Variants in PBX3 observed in about 807,000 individuals in gnomAD.
PBX3 encodes the protein pre-B-cell leukemia transcription factor 3.
Under a neutral mutation model 48.5 loss-of-function variants are expected in PBX3, and 14 were observed. The observed-to-expected ratio is 0.29, with a 90% CI of 0.19 to 0.45. The LOEUF (loss-of-function observed/expected upper bound fraction) is 0.45, where lower values mean the gene tolerates loss of function less well. Among genes scored for constraint, PBX3 ranks in the 20% least tolerant of loss-of-function variants. PBX3 has a pLI of 1.00. For synonymous variants in PBX3, 210 were observed against 200.3 expected, an observed-to-expected ratio of 1.05 and a Z score of -0.41; for missense variants, 386 against 546.7, an observed-to-expected ratio of 0.71 and a Z score of 2.93.
intron 2 of PBX3, among the ~76,000 whole-genome samples, chr9:125,857,187 C>T (rs1431450309): frequency 6.6e-6 from 1 of 152,114 alleles, no homozygotes. Context: ...AGAGAAAGTA[C>T]AGGCTGAGTA....
rs1838748846 is a variant in PBX3, at chr9:125,824,441, C to A, written c.274+75818C>A. On this transcript the variant is annotated intron_variant, in intron 2 of 8. Transcript: ENST00000373489. ...ATCCAGTATTTCAAAGGAAAGTATA[C>A]CTTTCTTTATTATGAGAATGCATAT... Among the ~76,000 whole-genome samples the A allele has an allele frequency of 2.6e-5, 4 of 152,126 alleles. No individual in the cohort carries two copies. The South Asian group carries it at 8.3e-4, about 31-fold the overall frequency.
At chr9:125,858,786 C>G (rs535783300) in intron 2 of PBX3, among the ~76,000 whole-genome samples, 7 of 151,892 alleles carry the variant, frequency 4.6e-5, no homozygotes, top group Non-Finnish European at 8.8e-5. Context: ...CCACCATGCC[C>G]GGCTAATTTT....
chr9:125,893,318 T>A (rs1257541514), intron 2 of PBX3, among the ~76,000 whole-genome samples: 1 of 152,226 alleles, frequency 6.6e-6, no homozygotes, highest in African/African-American at 2.4e-5. Flanking sequence ...GCTTTTAAAA[T>A]CGAGACTTTA....
intron 5 of PBX3, among the ~76,000 whole-genome samples, chr9:125,940,953 T>A (rs1432269585): frequency 1.3e-5 from 2 of 152,218 alleles, no homozygotes; most frequent in Non-Finnish European, 2.9e-5. Context: ...TTTTTGTATA[T>A]TTTTATTTTA....
Position 125,942,752 on chromosome 9 carries a change from A to G in PBX3, c.843+7145A>G, listed in dbSNP as rs541522475. Among the ~76,000 whole-genome samples the G allele has an allele frequency of 4.3e-4, 66 of 152,332 alleles. 1 individual carries two copies. In the Middle Eastern group the frequency reaches 0.014, roughly 31 times the overall value. On this transcript the variant is annotated intron_variant, in intron 5 of 8. Coordinates refer to ENST00000373489, the MANE Select transcript of PBX3 (RefSeq NM_006195.6). ...AAGAAGGCTACAGACCCTCTGTTCTAAAAGCTCTGATTGTGTATCCCAGTG... is the reference window on the plus strand; with the variant it reads ...AAGAAGGCTACAGACCCTCTGTTCTGAAAGCTCTGATTGTGTATCCCAGTG...
At chr9:125,800,477 A>G (rs1006110576) in intron 2 of PBX3, among the ~76,000 whole-genome samples, 2 of 152,176 alleles carry the variant, frequency 1.3e-5, no homozygotes, top group East Asian at 1.9e-4. Flanking sequence ...TATTGTGCCA[A>G]TAAAGAGTTT....
chr9:125,832,750 G>A (rs1231497443), intron 2 of PBX3, among the ~76,000 whole-genome samples: 1 of 152,110 alleles, frequency 6.6e-6, no homozygotes, highest in East Asian at 1.9e-4. Flanking sequence ...TTATTTGTTG[G>A]TGAGTTCTGG....
intron 2 of PBX3, among the ~76,000 whole-genome samples, chr9:125,781,686 T>C (rs1183299320): frequency 6.6e-6 from 1 of 152,122 alleles, no homozygotes; most frequent in African/African-American, 2.4e-5. Context: ...TTCTGTTCTG[T>C]GTTTTGTTGT....
intron 2 of PBX3, among the ~76,000 whole-genome samples, chr9:125,886,338 A>C (rs2132367392): frequency 6.6e-6 from 1 of 152,274 alleles, no homozygotes; most frequent in South Asian, 2.1e-4. Context: ...GAAGAAAGGA[A>C]CACAACAGTT....
intron 2 of PBX3, among the ~76,000 whole-genome samples, chr9:125,823,317 A>C (rs548777386): frequency 7.5e-4 from 113 of 151,340 alleles, no homozygotes; most frequent in African/African-American, 2.8e-3. Context: ...ATTGTTGTTG[A>C]TGTGCTATTT....
chr9:125,856,169 T>C lies in PBX3; in HGVS notation c.275-59517T>C, dbSNP rs1424865770. Among the ~76,000 whole-genome samples, 3 of 152,240 alleles carry C rather than the reference T, an allele frequency of 2.0e-5. No homozygotes were observed. The East Asian group carries it at 5.8e-4, about 29-fold the overall frequency. ...TAATGAATGTCATAAATACGAACAA[T>C]CTCAGATGAGAGATATTAACAAATA... On this transcript the variant is annotated intron_variant, in intron 2 of 8. Transcript: ENST00000373489.
At chr9:125,876,428 C>T (rs1324673949) in intron 2 of PBX3, among the ~76,000 whole-genome samples, 2 of 152,198 alleles carry the variant, frequency 1.3e-5, no homozygotes, top group Non-Finnish European at 2.9e-5. Context: ...CCTCCTCCTC[C>T]CCTTCAGCCT....
chr9:125,871,590 A>G (rs1251993686), intron 2 of PBX3, among the ~76,000 whole-genome samples: 3 of 151,552 alleles, frequency 2.0e-5, no homozygotes, highest in Admixed American at 6.7e-5. Flanking sequence ...ATAAAATTCA[A>G]ACAAAGTAAG....
At chr9:125,944,845 C>G (rs1017855738) in intron 5 of PBX3, among the ~76,000 whole-genome samples, 1 of 152,158 alleles carries the variant, frequency 6.6e-6, no homozygotes, top group Non-Finnish European at 1.5e-5. Flanking sequence ...CCCAACTCCT[C>G]CCCAGTTTAT....
At chr9:125,925,040 A>C (rs1418495604) in intron 3 of PBX3, among the ~76,000 whole-genome samples, 1 of 152,216 alleles carries the variant, frequency 6.6e-6, no homozygotes, top group African/African-American at 2.4e-5. Flanking sequence ...GTGCAAATAC[A>C]AGTGCTTTTT....
At chr9:125,826,157 A>G (rs1838800935) in intron 2 of PBX3, among the ~76,000 whole-genome samples, 1 of 152,116 alleles carries the variant, frequency 6.6e-6, no homozygotes, top group African/African-American at 2.4e-5. Context: ...AAATTCCTTT[A>G]TTTACCACAA....
At chr9:125,887,136 T>G (rs1471881073) in intron 2 of PBX3, among the ~76,000 whole-genome samples, 1 of 152,182 alleles carries the variant, frequency 6.6e-6, no homozygotes, top group Non-Finnish European at 1.5e-5. Context: ...CCCAGCCATT[T>G]TATTAAATTG....
chr9:125,897,272 A>G lies in PBX3; in HGVS notation c.275-18414A>G, dbSNP rs367812976. Among the ~76,000 whole-genome samples, 160 of 150,312 alleles carry G rather than the reference A, an allele frequency of 1.1e-3. 5 individuals carry two copies. The South Asian group carries it at 0.032, about 30-fold the overall frequency. ...GAATGATAGGACATTTTGCAAATGT[A>G]TCTTAAAATATGAATTCATTAATTT... On this transcript the variant is annotated intron_variant, in intron 2 of 8. Transcript: ENST00000373489.
At chr9:125,803,473 G>A (rs149942737) in intron 2 of PBX3, among the ~76,000 whole-genome samples, 2 of 152,178 alleles carry the variant, frequency 1.3e-5, no homozygotes, top group East Asian at 1.9e-4. Flanking sequence ...ACTACATTTA[G>A]TTTTTATGCC....
Sources: gnomAD v4.1 joint callset for allele counts (sites outside exome capture counted in the v4.1 genomes callset) on GRCh38, gnomAD v4.1.1 for gene constraint, MANE v1.5 for transcripts, NCBI Gene and HGNC (gene_info 2026-07-23, HGNC 2026-07-21) for gene names.